The following RANBP17 variants were observed in gnomAD, a reference collection of about 807,000 sequenced individuals.
The protein encoded by RANBP17 is ran-binding protein 17.
Under a neutral mutation model 141.2 loss-of-function variants are expected in RANBP17, and 158 were observed. The observed-to-expected ratio is 1.12, with a 90% CI of 0.98 to 1.28. RANBP17 has a LOEUF of 1.28. RANBP17 is among the 50% of genes most tolerant of loss of function. The pLI is 0.00. For missense variants in RANBP17, 1,438 were observed against 1,290.7 expected, an observed-to-expected ratio of 1.11 and a Z score of -1.75; for synonymous variants, 430 against 450.0, an observed-to-expected ratio of 0.96 and a Z score of 0.56.
intron 14 of RANBP17, among the ~76,000 whole-genome samples, chr5:171,018,585 G>A (rs1780614099): frequency 6.6e-6 from 1 of 152,202 alleles, no homozygotes; most frequent in African/African-American, 2.4e-5. Flanking sequence ...AGGAATGCCT[G>A]TGATTTTTGC....
intron 20 of RANBP17, chr5:171,206,458 A>C (rs913005487): frequency 6.5e-6 from 1 of 154,468 alleles, no homozygotes; most frequent in Non-Finnish European, 1.4e-5. Context: ...TCCCAGCAGG[A>C]AGTGATATTG....
At chr5:171,156,439 G>C (rs188784500) in intron 14 of RANBP17, among the ~76,000 whole-genome samples, 228 of 152,124 alleles carry the variant, frequency 1.5e-3, no homozygotes, top group African/African-American at 4.7e-3. Flanking sequence ...ATAAATTTTG[G>C]AGTATTTTTG....
chr5:171,187,677 T>C (rs1474629336), intron 18 of RANBP17, among the ~76,000 whole-genome samples: 1 of 152,190 alleles, frequency 6.6e-6, no homozygotes, highest in East Asian at 1.9e-4. Context: ...AATTAACTTA[T>C]TTTTAAAATT....
intron 11 of RANBP17, among the ~76,000 whole-genome samples, chr5:170,924,117 C>T (rs1258216209): frequency 3.9e-5 from 6 of 151,994 alleles, no homozygotes; most frequent in Non-Finnish European, 5.9e-5. Context: ...CATGCCTCAG[C>T]CTCTTGCGTA....
intron 12 of RANBP17, among the ~76,000 whole-genome samples, chr5:170,938,794 A>T (rs578109060): frequency 6.6e-6 from 1 of 152,284 alleles, no homozygotes; most frequent in Admixed American, 6.5e-5. Context: ...GAAAATATTA[A>T]AAGAGACGTT....
chr5:170,943,470 A>G (rs573472903), intron 12 of RANBP17, among the ~76,000 whole-genome samples: 2 of 152,292 alleles, frequency 1.3e-5, no homozygotes, highest in South Asian at 4.1e-4. Flanking sequence ...CTTTGGGATT[A>G]CTGCAGTTAT....
At chr5:171,236,804 T>G (rs533399776) in intron 22 of RANBP17, among the ~76,000 whole-genome samples, 1 of 152,308 alleles carries the variant, frequency 6.6e-6, no homozygotes, top group Admixed American at 6.5e-5. Flanking sequence ...AGTACACAAG[T>G]TAATAATCTG....
chr5:171,115,521 C>T (rs1400012822), intron 14 of RANBP17, among the ~76,000 whole-genome samples: 1 of 152,120 alleles, frequency 6.6e-6, no homozygotes, highest in Non-Finnish European at 1.5e-5. Flanking sequence ...AGTTGTGAAA[C>T]ATGTAGGTAT....
At chr5:171,038,873 C>T (rs1240726751) in intron 14 of RANBP17, among the ~76,000 whole-genome samples, 1 of 151,964 alleles carries the variant, frequency 6.6e-6, no homozygotes, top group Non-Finnish European at 1.5e-5. Context: ...TGTATATTGT[C>T]GAGGATTTTT....
chr5:171,287,503 A>C (rs1768238708), intron 25 of RANBP17, among the ~76,000 whole-genome samples: 2 of 152,030 alleles, frequency 1.3e-5, no homozygotes, highest in Admixed American at 6.6e-5. Flanking sequence ...AAAAAAAAAA[A>C]AAATGATTAA....
chr5:171,091,941 T>C (rs140356124), intron 14 of RANBP17, among the ~76,000 whole-genome samples: 127 of 152,292 alleles, frequency 8.3e-4, no homozygotes, highest in Non-Finnish European at 1.6e-3. Context: ...GCTTTTCATA[T>C]ATGCAGGTTC....
intron 11 of RANBP17, among the ~76,000 whole-genome samples, chr5:170,923,499 T>C (rs1279409179): frequency 1.3e-5 from 2 of 152,208 alleles, no homozygotes; most frequent in Non-Finnish European, 2.9e-5. Context: ...ATGTATATTT[T>C]TGAATCAGTT....
chr5:171,145,791 T>G (rs748346761), intron 14 of RANBP17, among the ~76,000 whole-genome samples: 1 of 152,168 alleles, frequency 6.6e-6, no homozygotes, highest in East Asian at 1.9e-4. Flanking sequence ...CAAAAAATAG[T>G]GTTTCTATGA....
intron 24 of RANBP17, among the ~76,000 whole-genome samples, chr5:171,257,239 T>A (rs1388292844): frequency 1.3e-5 from 2 of 152,246 alleles, no homozygotes; most frequent in Non-Finnish European, 2.9e-5. Flanking sequence ...ATCCCAGGAA[T>A]GCAGCGTTAA....
chr5:170,968,117 A>G (rs912651132), intron 13 of RANBP17, 125 bp from the exon 14 acceptor site: 2 of 637,438 alleles, frequency 3.1e-6, no homozygotes, highest in Non-Finnish European at 4.9e-6. Flanking sequence ...TATTTTCTTT[A>G]TATTTTTTTA....
chr5:171,268,964 G>C (rs1203058780), intron 25 of RANBP17, among the ~76,000 whole-genome samples: 3 of 152,184 alleles, frequency 2.0e-5, no homozygotes, highest in Admixed American at 6.5e-5. Context: ...TAATTTCTGT[G>C]TGTTAATAAT....
At chr5:171,254,511 T>C (rs1189883454) in intron 24 of RANBP17, among the ~76,000 whole-genome samples, 3 of 152,164 alleles carry the variant, frequency 2.0e-5, no homozygotes, top group African/African-American at 4.8e-5. Context: ...TCAAGTAGAC[T>C]AGGAATACAA....
At chr5:170,922,047 A>G (rs1167909090) in intron 11 of RANBP17, among the ~76,000 whole-genome samples, 2 of 152,030 alleles carry the variant, frequency 1.3e-5, no homozygotes, top group Non-Finnish European at 1.5e-5. Flanking sequence ...TGTCGATGCT[A>G]TTCCTTTCTG....
chr5:171,034,389 TGTA>T (rs1460219941), intron 14 of RANBP17, among the ~76,000 whole-genome samples: 7 of 152,284 alleles, frequency 4.6e-5, no homozygotes, highest in African/African-American at 1.4e-4. Context: ...ATACTGTAGT[TGTA>T]GTGGTATAAA....
Sources: allele counts gnomAD v4.1 joint callset (sites outside exome capture counted in the v4.1 genomes callset), GRCh38; gene constraint gnomAD v4.1.1; transcripts MANE v1.5; gene names NCBI Gene and HGNC (gene_info 2026-07-23, HGNC 2026-07-21).